The following ANKRD26 variants were observed in gnomAD, a reference collection of about 807,000 sequenced individuals.
ANKRD26 encodes the protein ankyrin repeat domain-containing protein 26.
Under a neutral mutation model 208.7 loss-of-function variants are expected in ANKRD26, and 141 were observed. That is an observed-to-expected ratio of 0.68 (90% confidence interval 0.59 to 0.78). The LOEUF (loss-of-function observed/expected upper bound fraction) is 0.78, where lower values mean the gene tolerates loss of function less well. ANKRD26 is among the 30% of genes least tolerant of loss of function. The pLI is 0.00. For missense variants in ANKRD26, 1,889 were observed against 1,938.7 expected (o/e 0.97, Z 0.48); for synonymous variants, 636 against 660.4 (o/e 0.96, Z 0.57).
intron 16 of ANKRD26, chr10:27,051,420 C>T (rs180985637): frequency 1.7e-5 from 19 of 1,108,470 alleles, no homozygotes; most frequent in East Asian, 7.2e-5. Context: ...CTGAGGCACA[C>T]GTCTGATGTC....
intron 4 of ANKRD26, among the ~76,000 whole-genome samples, chr10:27,087,452 C>T (rs2056160212): frequency 6.6e-6 from 1 of 152,206 alleles, no homozygotes; most frequent in Non-Finnish European, 1.5e-5. Flanking sequence ...TCCAAAGGTT[C>T]TAATATTCAA....
At chr10:27,002,404 T>C (rs185526166), downstream of ANKRD26, among the ~76,000 whole-genome samples, 1,232 of 152,322 alleles carry the variant, frequency 8.1e-3, 9 homozygotes, top group Non-Finnish European at 0.013. Flanking sequence ...CTTGTCTGCG[T>C]GGGTTTCCTC....
intron 15 of ANKRD26, among the ~76,000 whole-genome samples, chr10:27,055,187 A>T (rs929224234): frequency 6.6e-6 from 1 of 152,206 alleles, no homozygotes; most frequent in Non-Finnish European, 1.5e-5. Flanking sequence ...TATAAAAGGT[A>T]TTAAATGAGA....
Position 27,077,664 on chromosome 10 carries a change from T to G in ANKRD26, c.843A>C (p.Leu281=), listed in dbSNP as rs764691931. The change falls in exon 8 of 34, where the codon CTA becomes CTC. Residue 281 remains leucine, a synonymous_variant. Transcript: ENST00000376087. ...KNVPKPSLAK[L]MTASQQSRKN... is the part of the protein sequence containing the mutation. ...TCCTGGATTGCTGAGAAGCAGTCAT[T>G]AGCTTTGCTAAGCTTGGTTTTGGGA... The G allele has an allele frequency of 5.0e-6, 8 of 1,613,078 alleles. No homozygotes were observed. The highest frequency in any genetic ancestry group is 3.3e-5 in the Admixed American group (2 of 59,962).
At chr10:27,008,649 T>C (rs927496366) in intron 32 of ANKRD26, among the ~76,000 whole-genome samples, 1 of 152,174 alleles carries the variant, frequency 6.6e-6, no homozygotes, top group Non-Finnish European at 1.5e-5. Context: ...TCTTAACAAA[T>C]TGCTTACTCT....
intron 25 of ANKRD26, among the ~76,000 whole-genome samples, chr10:27,031,622 G>C (rs916385862): frequency 6.6e-6 from 1 of 152,084 alleles, no homozygotes; most frequent in East Asian, 1.9e-4. Flanking sequence ...ATTGACTGTG[G>C]TGATGGTTAC....
At chr10:27,024,650 T>A (rs2053600909) in intron 27 of ANKRD26, 91 bp from the exon 28 acceptor site, 1 of 711,830 alleles carries the variant, frequency 1.4e-6, no homozygotes, top group African/African-American at 1.8e-5. Flanking sequence ...ATGAGTAACA[T>A]ATGTTTAGGC....
At chr10:27,041,632 A>C (rs1384420543) in intron 20 of ANKRD26, among the ~76,000 whole-genome samples, 1 of 152,254 alleles carries the variant, frequency 6.6e-6, no homozygotes, top group Non-Finnish European at 1.5e-5. Flanking sequence ...GTAGAGATGC[A>C]AATTACAATG....
intron 19 of ANKRD26, 74 bp from the exon 20 acceptor site, chr10:27,043,641 T>C: frequency 6.8e-7 from 1 of 1,463,290 alleles, no homozygotes. Context: ...TAATTATCCA[T>C]CTTTCTAAAT....
chr10:27,092,491 G>C lies in ANKRD26; in HGVS notation c.553C>G (p.Leu185Val). The part of the protein sequence containing the change: ...KNKDDLTPLL[L>V]AVSGKKQQMV... ...TGCTGCTTTTTTCCACTTACTGCAAGTAAAAGTGGTGTGAGGTCATCCTGT... is the reference window on the plus strand; with the variant it reads ...TGCTGCTTTTTTCCACTTACTGCAACTAAAAGTGGTGTGAGGTCATCCTGT... Residue 185 changes from leucine (L) to valine (V), a missense_variant, in exon 4 of 34, where the codon CTT (leucine) becomes GTT (valine). Leu to Val is a conservative substitution (Grantham distance 32). Coordinates refer to ENST00000376087, the MANE Select transcript of ANKRD26 (RefSeq NM_014915.3). 2 of 1,613,376 alleles carry C rather than the reference G, an allele frequency of 1.2e-6. No homozygotes were observed. Among genetic ancestry groups the C allele is most frequent in the Non-Finnish European group, 1.7e-6 (2 of 1,179,824 alleles).
chr10:27,041,415 CCA>C (rs1364054793), intron 20 of ANKRD26, among the ~76,000 whole-genome samples: 1 of 152,000 alleles, frequency 6.6e-6, no homozygotes, highest in Non-Finnish European at 1.5e-5. Flanking sequence ...GTGTTCATTC[CCA>C]CAGTCAGGCT....
At chr10:26,996,136 C>T (rs1267951583) in intron 4 of ANKRD26, among the ~76,000 whole-genome samples, 2 of 152,132 alleles carry the variant, frequency 1.3e-5, no homozygotes, top group African/African-American at 2.4e-5. Flanking sequence ...TTGTTTACTG[C>T]TCTCAAATTC....
intron 18 of ANKRD26, among the ~76,000 whole-genome samples, chr10:27,044,446 C>A (rs2054371204): frequency 6.7e-6 from 1 of 150,292 alleles, no homozygotes; most frequent in African/African-American, 2.4e-5. Context: ...AAATTTAGAT[C>A]AAGCTTCCTG....
intron 5 of ANKRD26, among the ~76,000 whole-genome samples, chr10:26,979,600 G>A (rs895188315): frequency 6.6e-6 from 1 of 152,208 alleles, no homozygotes; most frequent in African/African-American, 2.4e-5. Flanking sequence ...TGGGATTTAT[G>A]ACAGATATAG....
chr10:27,094,295 A>T (rs1256697215), intron 1 of ANKRD26, among the ~76,000 whole-genome samples: 2 of 152,186 alleles, frequency 1.3e-5, no homozygotes, highest in African/African-American at 2.4e-5. Context: ...TACACATGTT[A>T]ATCCTCCGCC....
At chr10:27,036,409 T>C (rs2054047189) in intron 23 of ANKRD26, among the ~76,000 whole-genome samples, 1 of 152,054 alleles carries the variant, frequency 6.6e-6, no homozygotes, top group Non-Finnish European at 1.5e-5. Context: ...TAGTGTTCTT[T>C]CACTAAATCA....
intron 21 of ANKRD26, among the ~76,000 whole-genome samples, chr10:27,039,168 T>C (rs2054143946): frequency 6.6e-6 from 1 of 152,092 alleles, no homozygotes; most frequent in Non-Finnish European, 1.5e-5. Context: ...TATAAAATTG[T>C]TCTGGCCGGG....
Position 27,013,261 on chromosome 10 carries a change from C to A in ANKRD26, c.4725-151G>T, listed in dbSNP as rs527737719. 67 of 711,174 alleles carry A rather than the reference C, an allele frequency of 9.4e-5. 2 individuals are homozygous for A. The South Asian group carries it at 1.0e-3, about 11-fold the overall frequency. 44.1% of individuals were successfully genotyped at this position (711,174 alleles called of 1,614,324 possible). A position where few individuals can be genotyped will look rare whatever the true frequency, so the allele number is the denominator to read the frequency against. On this transcript the variant is annotated intron_variant, in intron 31 of 33. Transcript: ENST00000376087. ...CACTGAAAAATGTGTCAGACCATGC[C>A]TACTGTATGCAATTATAATTTTTAG... is the stretch of plus-strand genomic sequence containing the variant.
intron 3 of ANKRD26, 56 bp from the exon 4 acceptor site, chr10:27,092,568 A>T: frequency 7.8e-7 from 1 of 1,283,432 alleles, no homozygotes; most frequent in Non-Finnish European, 1.1e-6. Context: ...TCTCGGCTGA[A>T]CTGAAAACTC....
Sources: allele counts gnomAD v4.1 joint callset (sites outside exome capture counted in the v4.1 genomes callset), GRCh38; gene constraint gnomAD v4.1.1; transcripts MANE v1.5; gene names NCBI Gene and HGNC (gene_info 2026-07-23, HGNC 2026-07-21).